FN3KRP: variants seen among roughly 807,000 people sequenced by gnomAD.
FN3KRP encodes the protein ketosamine-3-kinase.
FN3KRP carries 33 observed loss-of-function variants against 29.8 expected under a neutral mutation model. That is an observed-to-expected ratio of 1.11 (90% confidence interval 0.84 to 1.48). FN3KRP has a LOEUF of 1.48. Ranked by LOEUF, FN3KRP falls within the 40% of genes most tolerant of loss-of-function variation. The pLI is 0.00. For missense variants in FN3KRP, 430 were observed against 402.6 expected (o/e 1.07, Z -0.58); for synonymous variants, 157 against 155.2 (o/e 1.01, Z -0.09).
At chr17:82,725,100 C>T (rs148588141) in intron 4 of FN3KRP, among the ~76,000 whole-genome samples, 2,272 of 151,862 alleles carry the variant, frequency 0.015, 51 homozygotes, top group African/African-American at 0.042. Context: ...CATGAGCCAC[C>T]GTGCCTGGCC....
intron 3 of FN3KRP, among the ~76,000 whole-genome samples, chr17:82,721,203 T>G (rs2046796125): frequency 1.3e-5 from 2 of 152,258 alleles, no homozygotes; most frequent in African/African-American, 2.4e-5. Flanking sequence ...TTTTCCTGCC[T>G]CAGCCTCCTG....
intron 3 of FN3KRP, among the ~76,000 whole-genome samples, chr17:82,721,492 T>G (rs1406946845): frequency 6.6e-6 from 1 of 152,048 alleles, no homozygotes; most frequent in Non-Finnish European, 1.5e-5. Flanking sequence ...TTTTTCCTCT[T>G]TATTTATTTA....
chr17:82,721,411 G>A (rs984168009), intron 3 of FN3KRP, among the ~76,000 whole-genome samples: 2 of 151,828 alleles, frequency 1.3e-5, no homozygotes, highest in Admixed American at 1.3e-4. Flanking sequence ...AAGCACAATA[G>A]TTTATCTGAC....
Position 82,727,068 on chromosome 17 carries a change from G to A in FN3KRP, c.827G>A (p.Arg276His), listed in dbSNP as rs764337681. ...CCCAAGGCCCCAGGATTCGAGAAGCGCCTTCAGTTGTATCAGCTCTTTCAC... is the reference window on the plus strand; with the variant it reads ...CCCAAGGCCCCAGGATTCGAGAAGCACCTTCAGTTGTATCAGCTCTTTCAC... Reference protein sequence around the residue: ...KIPKAPGFEKRLQLYQLFHYL... With the variant: ...KIPKAPGFEKHLQLYQLFHYL... The change falls in exon 6 of 6, where the codon CGC (arginine) becomes CAC (histidine). Residue 276 changes from arginine to histidine, a missense_variant. Arg to His is a conservative substitution (Grantham distance 29). Transcript: ENST00000269373. 1.2e-5 allele frequency: 19 copies of A among 1,613,986 alleles called. No homozygotes were observed. Among genetic ancestry groups the A allele is most frequent in the Admixed American group, 5.0e-5 (3 of 59,976 alleles).
At chr17:82,721,817 A>G (rs1220915932) in intron 3 of FN3KRP, among the ~76,000 whole-genome samples, 1 of 130,870 alleles carries the variant, frequency 7.6e-6, no homozygotes, top group Admixed American at 7.9e-5. Context: ...TTTACTTTTT[A>G]TGTTTTTTAT....
chr17:82,726,456 T>A, intron 4 of FN3KRP, 24 bp from the exon 5 acceptor site: 2 of 1,608,308 alleles, frequency 1.2e-6, no homozygotes, highest in African/African-American at 2.7e-5. Context: ...TCCAGTGAAC[T>A]GTGCTTTTGC....
At chr17:82,721,452 C>T (rs1216427017) in intron 3 of FN3KRP, among the ~76,000 whole-genome samples, 1 of 152,118 alleles carries the variant, frequency 6.6e-6, no homozygotes, top group Non-Finnish European at 1.5e-5. Flanking sequence ...CACTGAGAGC[C>T]ATCCTTTCTG....
rs754291026 is a variant in FN3KRP at position 82,727,217 on chromosome 17, C to T, written c.*46C>T. The T allele has an allele frequency of 2.6e-6, 4 of 1,522,132 alleles. No homozygotes were observed. The highest frequency in any genetic ancestry group is 2.4e-5 in the South Asian group (2 of 82,996). 94.3% of individuals were successfully genotyped at this position (1,522,132 alleles called of 1,614,324 possible). On this transcript the variant is annotated 3_prime_UTR_variant, in exon 6 of 6. Transcript: ENST00000269373. ...AGGCCTCAGAGGTTTCTCCACAGTC[C>T]TCTTCTGGGCAAATTCTTGTTTCTT...
chr17:82,725,498 A>G (rs1000964359), intron 4 of FN3KRP, among the ~76,000 whole-genome samples: 5 of 151,420 alleles, frequency 3.3e-5, no homozygotes, highest in African/African-American at 1.2e-4. Context: ...CACCCAGGCT[A>G]GAGTGCAGTG....
rs530033827 is a variant in FN3KRP, at chr17:82,717,521, C to T, written c.141+625C>T. The stretch of plus-strand genomic sequence containing the variant: ...GAGCGCGAAGTCAGGAGTTCGAGAC[C>T]AGCCTGGCCAACAAGGTGAAACCCC... On this transcript the variant is annotated intron_variant, in intron 1 of 5. Coordinates refer to ENST00000269373, the MANE Select transcript of FN3KRP (RefSeq NM_024619.4). 2.3e-4 allele frequency among the ~76,000 whole-genome samples: 33 copies of T among 143,140 alleles called. No homozygotes were observed. The South Asian group carries it at 7.7e-3, about 33-fold the overall frequency. 93.9% of individuals were successfully genotyped at this position (143,140 alleles called of 152,430 possible).
rs924362280 is a variant in FN3KRP at position 82,717,721 on chromosome 17, CA to C, written c.141+835del. On this transcript the variant is annotated intron_variant, in intron 1 of 5. Coordinates refer to ENST00000269373, the MANE Select transcript of FN3KRP (RefSeq NM_024619.4). The stretch of plus-strand genomic sequence containing the variant: ...TGGGTGACTGAATGAGACTCCGTCT[CA>C]AAAAAAAAAGAGTGTTCCTAGCAGC... Among the ~76,000 whole-genome samples the C allele has an allele frequency of 1.8e-3, 261 of 147,978 alleles. 1 individual carries two copies. The highest frequency in any genetic ancestry group is 6.0e-3 in the African/African-American group (243 of 40,398).
At chr17:82,722,544 G>C in intron 3 of FN3KRP, 1 of 437,182 alleles carries the variant, frequency 2.3e-6, no homozygotes, top group Non-Finnish European at 4.1e-6. Context: ...TGGTGCCCCT[G>C]CTCGGGAGCA....
At position 82,727,038 on chromosome 17, in the gene FN3KRP, A is replaced by C; in HGVS notation, c.797A>C (p.Lys266Thr). ...TCCTTTTACTCCGCCTACCACGGCA[A>C]AATCCCCAAGGCCCCAGGATTCGAG... ...SSSFYSAYHG[K>T]IPKAPGFEKR... The change falls in exon 6 of 6, where the codon AAA (lysine) becomes ACA (threonine). Residue 266 changes from lysine to threonine, a missense_variant. Transcript: ENST00000269373. 1 of 1,614,156 alleles carries C rather than the reference A, an allele frequency of 6.2e-7. No homozygotes were observed. Among genetic ancestry groups the C allele is most frequent in the Non-Finnish European group, 8.5e-7 (1 of 1,180,046 alleles).
chr17:82,720,386 G>A (rs1190435184), intron 3 of FN3KRP, 23 bp downstream of exon 3: 2 of 1,593,602 alleles, frequency 1.3e-6, no homozygotes, highest in African/African-American at 1.3e-5. Flanking sequence ...GCGGGCCACG[G>A]GTGCTCCCGC....
At position 82,716,816 on chromosome 17, in the gene FN3KRP, G is replaced by T. The variant is rs765305815; in HGVS notation, c.61G>T (p.Gly21Trp). 4.5e-6 allele frequency: 7 copies of T among 1,554,644 alleles called. No homozygotes were observed. The highest frequency in any genetic ancestry group is 1.7e-4 in the Middle Eastern group (1 of 5,896). ...CTCTGTCAGGGCCACGGGCCACTCG[G>T]GGGGCGGGTGCATCAGCCAGGGCCG... ...CSSVRATGHS[G>W]GGCISQGRSY... Residue 21 changes from glycine (G) to tryptophan (W), a missense_variant, in exon 1 of 6, where the codon GGG (glycine) becomes TGG (tryptophan). Gly to Trp is a radical substitution (Grantham distance 184). Transcript: ENST00000269373.
chr17:82,718,503 G>A lies in FN3KRP; in HGVS notation c.142-403G>A, dbSNP rs903377883. On this transcript the variant is annotated intron_variant, in intron 1 of 5. Coordinates refer to ENST00000269373, the MANE Select transcript of FN3KRP (RefSeq NM_024619.4). ...CCAGGGTGCCGCCTGCACCTGAGAG[G>A]TCGGGTGAGTCTGTGTCCTGTAGGT... 4 of 994,058 alleles carry A rather than the reference G, an allele frequency of 4.0e-6. No individual in the cohort carries two copies. The South Asian group carries it at 1.4e-4, about 34-fold the overall frequency. 61.6% of individuals were successfully genotyped at this position (994,058 alleles called of 1,614,324 possible). A position where few individuals can be genotyped will look rare whatever the true frequency, so the allele number is the denominator to read the frequency against.
chr17:82,727,087 C>G lies in FN3KRP; in HGVS notation c.846C>G (p.Leu282=). The G allele has an allele frequency of 1.2e-6, 2 of 1,614,180 alleles. No individual in the cohort carries two copies. Among genetic ancestry groups the G allele is most frequent in the Non-Finnish European group, 1.7e-6 (2 of 1,180,040 alleles). The change falls in exon 6 of 6, where the codon CTC becomes CTG. Residue 282 remains leucine (L), a synonymous_variant. Coordinates refer to ENST00000269373, the MANE Select transcript of FN3KRP (RefSeq NM_024619.4). ...AGAAGCGCCTTCAGTTGTATCAGCT[C>G]TTTCACTACTTGAACCACTGGAATC... ...GFEKRLQLYQ[L]FHYLNHWNHF...
Position 82,727,448 on chromosome 17 carries a change from T to G in FN3KRP, c.*277T>G, listed in dbSNP as rs1376101896. 2 of 332,692 alleles carry G rather than the reference T, an allele frequency of 6.0e-6. No individual in the cohort carries two copies. Among genetic ancestry groups the G allele is most frequent in the African/African-American group, 4.2e-5 (2 of 48,156 alleles). 20.6% of individuals were successfully genotyped at this position (332,692 alleles called of 1,614,324 possible). On this transcript the variant is annotated 3_prime_UTR_variant, in exon 6 of 6. Coordinates refer to ENST00000269373, the MANE Select transcript of FN3KRP (RefSeq NM_024619.4). Reference sequence around the variant, plus strand: ...TCTGAGCCTCACTGCTGCTGCAAGGTGGGGAAACTGTAAGTGAACCCCTGT... The same window carrying G: ...TCTGAGCCTCACTGCTGCTGCAAGGGGGGGAAACTGTAAGTGAACCCCTGT...
rs1249676009 is a variant in FN3KRP, at chr17:82,716,766, T to C, written c.11T>C (p.Leu4Pro). Residue 4 changes from leucine to proline, a missense_variant, in exon 1 of 6, where the codon CTC becomes CCC. Physicochemically the swap from Leu to Pro is moderately conservative, Grantham distance 98. Coordinates refer to ENST00000269373, the MANE Select transcript of FN3KRP (RefSeq NM_024619.4). MEE[L>P]LRRELGCSSV... is the part of the protein sequence containing the mutation. Reference sequence around the variant, plus strand: ...GGCCGCGGCGGGAACATGGAGGAGCTCCTGAGGCGCGAGCTGGGCTGCAGC... The same window carrying C: ...GGCCGCGGCGGGAACATGGAGGAGCCCCTGAGGCGCGAGCTGGGCTGCAGC... The C allele has an allele frequency of 4.0e-6, 6 of 1,518,556 alleles. No homozygotes were observed. The highest frequency in any genetic ancestry group is 5.3e-6 in the Non-Finnish European group (6 of 1,141,682). 94.1% of individuals were successfully genotyped at this position (1,518,556 alleles called of 1,614,324 possible). A position where few individuals can be genotyped will look rare whatever the true frequency, so the allele number is the denominator to read the frequency against.
Sources: allele counts gnomAD v4.1 joint callset (sites outside exome capture counted in the v4.1 genomes callset), GRCh38; gene constraint gnomAD v4.1.1; transcripts MANE v1.5; gene names NCBI Gene and HGNC (gene_info 2026-07-23, HGNC 2026-07-21).